The following UTY variants were observed in gnomAD, a reference collection of about 807,000 sequenced individuals.
UTY encodes the protein histone demethylase UTY.
A neutral mutation model predicts 32.5 loss-of-function variants in UTY; 12 were observed. The observed-to-expected ratio is 0.37, with a 90% CI of 0.24 to 0.60. The LOEUF is 0.60. Ranked by LOEUF, UTY falls within the 20% of genes least tolerant of loss-of-function variation. The probability of loss-of-function intolerance (pLI) is 0.69; values close to 1 mark genes in which losing one functional copy is unlikely to be tolerated. For missense variants in UTY, 303 were observed against 299.2 expected, an observed-to-expected ratio of 1.01 and a Z score of -0.09; for synonymous variants, 131 against 103.4, an observed-to-expected ratio of 1.27 and a Z score of -1.62.
At chrY:13,239,494 G>A in intron 28 of UTY, among the ~76,000 whole-genome samples, 1 of 33,151 alleles carries the variant, frequency 3.0e-5, no homozygotes, top group Admixed American at 2.8e-4. Context: ...CCCCTCAGAT[G>A]CGACACAAAA....
At position 13,323,623 on chromosome Y, in the gene UTY, T is replaced by C; in HGVS notation, c.3208A>G (p.Asn1070Asp). ...GTKKIWRCESNRSHTTIAKYA... is the reference protein window; with the variant it reads ...GTKKIWRCESDRSHTTIAKYA... ...TTGGCAATTGTAGTATGAGATCTAT[T>C]GCTTTCACAACGCCAGATTTTCTTT... The change falls in exon 21 of 30, where the codon AAT (asparagine) becomes GAT (aspartate). Residue 1070 changes from asparagine to aspartate, a missense_variant. Asn to Asp is a conservative substitution (Grantham distance 23). Transcript: ENST00000545955. 7.5e-6 allele frequency: 3 copies of C among 398,331 alleles called. No individual in the cohort carries two copies. The highest frequency in any genetic ancestry group is 1.1e-5 in the Non-Finnish European group (3 of 283,153).
At chrY:13,421,174 A>G (rs2072473000) in intron 4 of UTY, among the ~76,000 whole-genome samples, 1 of 33,495 alleles carries the variant, frequency 3.0e-5, no homozygotes, top group Non-Finnish European at 7.4e-5. Context: ...TCACAATGAG[A>G]TACCACCTCA....
intron 4 of UTY, among the ~76,000 whole-genome samples, chrY:13,418,359 G>A (rs2072064931): frequency 6.3e-5 from 2 of 31,853 alleles, no homozygotes; most frequent in African/African-American, 2.5e-4. Flanking sequence ...GAATAGTGCC[G>A]CAATAAACAT....
At chrY:13,410,098 T>C (rs2070694297) in intron 6 of UTY, among the ~76,000 whole-genome samples, 1 of 33,658 alleles carries the variant, frequency 3.0e-5, no homozygotes, top group Non-Finnish European at 7.4e-5. Context: ...TGAGGGAGGT[T>C]TGGGGAACCC....
At chrY:13,479,052 T>A in intron 2 of UTY, 1 of 108,887 alleles carries the variant, frequency 9.2e-6, no homozygotes, top group Non-Finnish European at 1.8e-5. Flanking sequence ...AAGCGTCCGA[T>A]TTTTTTTTTC....
At chrY:13,234,797 C>T in exon 29 of UTY, 1 of 127,226 alleles carries the variant, frequency 7.9e-6, no homozygotes, top group African/African-American at 9.6e-5. Flanking sequence ...AAGTGAATGC[C>T]GACTGGTCCA....
In UTY at chrY:13,359,794, C is replaced by T. The variant is rs1402517404; in HGVS notation, c.1158G>A (p.Thr386=). The part of the protein sequence containing the change: ...ARSKRCSNTS[T]LAARIKFLQA... ...GTAGAAATTTAATTCTTGCAGCAAG[C>T]GTAGAGGTATTACTACAACGTTTGC... The change falls in exon 12 of 30, where the codon ACG becomes ACA. Residue 386 remains threonine (T), a synonymous_variant. Transcript: ENST00000545955. The T allele has an allele frequency of 2.0e-5, 8 of 395,025 alleles. No homozygotes were observed. Among genetic ancestry groups the T allele is most frequent in the African/African-American group, 1.3e-4 (2 of 15,425 alleles).
chrY:13,297,848 G>C lies in UTY; in HGVS notation c.3869C>G (p.Ala1290Gly). ...TTCCACTGCCAATTTATACTGGCAG[G>C]CTAGAAGGAAAAAAGCAACAGTCAT... is the stretch of plus-strand genomic sequence containing the variant. ...NIAWNVGPLT[A>G]CQYKLAVERY... The change falls in exon 27 of 30, where the codon GCC becomes GGC. Residue 1290 changes from alanine to glycine, a missense_variant and splice_region_variant. By Grantham distance (60) the Ala-to-Gly change is moderately conservative (BLOSUM62 0). Transcript: ENST00000545955. 2.5e-6 allele frequency: 1 copy of C among 392,378 alleles called. No homozygotes were observed. The highest frequency in any genetic ancestry group is 3.6e-6 in the Non-Finnish European group (1 of 278,554).
Position 13,479,747 on chromosome Y carries a change from G to T in UTY, c.-82C>A. 2.8e-6 allele frequency: 1 copy of T among 350,957 alleles called. No homozygotes were observed. The highest frequency in any genetic ancestry group is 4.0e-6 in the Non-Finnish European group (1 of 250,154). The allele number at this position is 350,957 out of a possible 400,897, so 87.5% of individuals were successfully genotyped here. A position where few individuals can be genotyped will look rare whatever the true frequency, so the allele number is the denominator to read the frequency against. On this transcript the variant is annotated 5_prime_UTR_variant, in exon 1 of 30. Coordinates refer to ENST00000545955, the MANE Select transcript of UTY (RefSeq NM_001258249.2). ...AAAGACGCCTTCAATCGCTGCTTGA[G>T]ACTGTGACGCCAATTTTATCGCCTC...
chrY:13,477,613 T>C, intron 2 of UTY, among the ~76,000 whole-genome samples: 1 of 33,175 alleles, frequency 3.0e-5, no homozygotes, highest in African/African-American at 1.2e-4. Flanking sequence ...AGGATCAATA[T>C]GTGAAAAAAA....
chrY:13,347,018 T>G (rs1036895727), intron 17 of UTY, among the ~76,000 whole-genome samples: 19 of 33,791 alleles, frequency 5.6e-4, no homozygotes, highest in African/African-American at 1.4e-3. Flanking sequence ...AATCTACATT[T>G]GTGTGGGACA....
At chrY:13,295,590 G>A (rs2057983254) in intron 27 of UTY, among the ~76,000 whole-genome samples, 2 of 33,814 alleles carry the variant, frequency 5.9e-5, no homozygotes, top group African/African-American at 2.3e-4. Flanking sequence ...CAACTCGAAA[G>A]TCCAGTCTCA....
chrY:13,362,885 A>G, intron 10 of UTY, among the ~76,000 whole-genome samples: 1 of 32,908 alleles, frequency 3.0e-5, no homozygotes, highest in Non-Finnish European at 7.5e-5. Context: ...CTATAAAAGT[A>G]TATTATTGAA....
Position 13,359,935 on chromosome Y carries a change from A to C in UTY, c.1017T>G (p.Ile339Met). 3.8e-5 allele frequency: 15 copies of C among 398,460 alleles called. No individual in the cohort carries two copies. The highest frequency in any genetic ancestry group is 5.3e-5 in the Non-Finnish European group (15 of 283,407). The change falls in exon 12 of 30, where the codon ATT (isoleucine) becomes ATG (methionine). Residue 339 changes from isoleucine (I) to methionine (M), a missense_variant. Physicochemically the swap from Ile to Met is conservative, Grantham distance 10. Transcript: ENST00000545955. ...GCCCATGGTCCAATTGTACAGCACA[A>C]ATATATGCCTGTAAAGCATCCATAG... ...NQPMDALQAY[I>M]CAVQLDHGHA...
chrY:13,357,180 T>G (rs2063021251), intron 15 of UTY, among the ~76,000 whole-genome samples: 1 of 32,635 alleles, frequency 3.1e-5, no homozygotes, highest in Non-Finnish European at 7.5e-5. Flanking sequence ...AAGACAAACT[T>G]GGAGATCACA....
intron 8 of UTY, among the ~76,000 whole-genome samples, chrY:13,387,534 G>A (rs2149472113): frequency 3.0e-5 from 1 of 33,770 alleles, no homozygotes; most frequent in East Asian, 7.6e-4. Flanking sequence ...TTCTGGCTGG[G>A]TGCAGTGGCT....
chrY:13,456,462 G>GA (rs2076803491), intron 3 of UTY, among the ~76,000 whole-genome samples: 2 of 31,691 alleles, frequency 6.3e-5, no homozygotes, highest in Non-Finnish European at 1.5e-4. Flanking sequence ...ACTGTTTCTT[G>GA]AAAAAAAACA....
At chrY:13,458,252 GATTTATA>G (rs2076959239) in intron 3 of UTY, among the ~76,000 whole-genome samples, 1 of 33,260 alleles carries the variant, frequency 3.0e-5, no homozygotes, top group Non-Finnish European at 7.4e-5. Context: ...ATAGCAGCAT[GATTTATA>G]ATCCTTTGGG....
At chrY:13,359,732 C>T (rs75989387) in intron 12 of UTY, 35 bp downstream of exon 12, 7 of 339,348 alleles carry the variant, frequency 2.1e-5, no homozygotes, top group Admixed American at 1.8e-4. Flanking sequence ...TAGGAATATA[C>T]GTGTCATTTA....
Sources: allele counts gnomAD v4.1 joint callset (sites outside exome capture counted in the v4.1 genomes callset), GRCh38; gene constraint gnomAD v4.1.1; transcripts MANE v1.5; gene names NCBI Gene and HGNC (gene_info 2026-07-23, HGNC 2026-07-21).